VCF1: variants seen among roughly 807,000 people sequenced by gnomAD.
VCF1 encodes the protein VCP nuclear cofactor family member 1.
At chr17:73,209,490 G>A in the VCF1 span, 4 of 1,556,194 alleles carry the variant, frequency 2.6e-6, no homozygotes, top group East Asian at 9.6e-5. Context: ...AATCTGCACA[G>A]CGCTGTCCCT....
the VCF1 span, chr17:73,212,659 C>T: frequency 3.2e-6 from 5 of 1,583,014 alleles, no homozygotes; most frequent in Non-Finnish European, 4.3e-6. Flanking sequence ...CAGGTCACTA[C>T]ACTCAATTAG....
At chr17:73,207,756 C>T in the VCF1 span, 1 of 1,291,302 alleles carries the variant, frequency 7.7e-7, no homozygotes, top group South Asian at 1.2e-5. Context: ...CTGAATTGTG[C>T]TGTGTGCATG....
At chr17:73,212,733 G>A in the VCF1 span, 3 of 1,585,836 alleles carry the variant, frequency 1.9e-6, no homozygotes, top group African/African-American at 2.7e-5. Context: ...TCTCATTACA[G>A]GTACTGTCTG....
At chr17:73,229,867 C>CAAAAA in the VCF1 span, among the ~76,000 whole-genome samples, 37 of 22,620 alleles carry the variant, frequency 1.6e-3, 5 homozygotes, top group African/African-American at 4.5e-3. Context: ...GACTCCATCT[C>CAAAAA]AAAAAAAAAA....
the VCF1 span, among the ~76,000 whole-genome samples, chr17:73,224,934 G>GGA: frequency 7.8e-3 from 1,148 of 146,722 alleles, 22 homozygotes; most frequent in African/African-American, 0.024. Flanking sequence ...GGACAGGACA[G>GGA]CACAGCACAG....
chr17:73,232,277 A>C, the VCF1 span: 1 of 1,601,268 alleles, frequency 6.2e-7, no homozygotes, highest in African/African-American at 1.3e-5. Context: ...TACCACCACT[A>C]CTTCCGGCGT....
At chr17:73,211,545 C>T in the VCF1 span, among the ~76,000 whole-genome samples, 12 of 127,762 alleles carry the variant, frequency 9.4e-5, no homozygotes, top group East Asian at 3.0e-3. Flanking sequence ...CCAGCCTGGG[C>T]AACAAGAGCA....
chr17:73,215,516 C>T, the VCF1 span, among the ~76,000 whole-genome samples: 1 of 152,182 alleles, frequency 6.6e-6, no homozygotes, highest in Non-Finnish European at 1.5e-5. Context: ...TCAAGATATC[C>T]TCCTGCCTCA....
chr17:73,214,749 A>G, the VCF1 span, among the ~76,000 whole-genome samples: 1 of 152,224 alleles, frequency 6.6e-6, no homozygotes, highest in Non-Finnish European at 1.5e-5. Context: ...GGAAACTGCT[A>G]TCTTAGTAGA....
the VCF1 span, among the ~76,000 whole-genome samples, chr17:73,218,730 C>CA: frequency 1.3e-5 from 2 of 151,756 alleles, no homozygotes; most frequent in African/African-American, 2.4e-5. Flanking sequence ...ACTAAAAATA[C>CA]AAAAAATGGC....
At chr17:73,225,877 TA>T in the VCF1 span, among the ~76,000 whole-genome samples, 275 of 98,898 alleles carry the variant, frequency 2.8e-3, 2 homozygotes, top group African/African-American at 0.01. Context: ...AATATATATA[TA>T]TATAATATAT....
chr17:73,210,055 T>C, the VCF1 span, among the ~76,000 whole-genome samples: 1 of 152,184 alleles, frequency 6.6e-6, no homozygotes, highest in Non-Finnish European at 1.5e-5. Flanking sequence ...CCAAATCCTT[T>C]CAACTATATC....
At chr17:73,225,899 A>ATATTT in the VCF1 span, among the ~76,000 whole-genome samples, 9 of 114,844 alleles carry the variant, frequency 7.8e-5, no homozygotes, top group South Asian at 1.4e-3. Context: ...ATATATATAT[A>ATATTT]TTTTTTTTTT....
chr17:73,226,919 C>G, the VCF1 span, among the ~76,000 whole-genome samples: 1 of 152,260 alleles, frequency 6.6e-6, no homozygotes, highest in Middle Eastern at 3.4e-3. Flanking sequence ...CAAAAAGCCA[C>G]GAAATTTCTA....
At chr17:73,231,055 A>G in the VCF1 span, among the ~76,000 whole-genome samples, 1 of 152,122 alleles carries the variant, frequency 6.6e-6, no homozygotes, top group African/African-American at 2.4e-5. Context: ...TTGGGCCCCC[A>G]ATTTCAAATT....
the VCF1 span, among the ~76,000 whole-genome samples, chr17:73,222,535 T>A: frequency 1.3e-5 from 2 of 152,108 alleles, no homozygotes; most frequent in Non-Finnish European, 2.9e-5. Context: ...CCCAGCACTT[T>A]GGAAGGCCAA....
chr17:73,228,005 G>A, the VCF1 span, among the ~76,000 whole-genome samples: 3 of 152,282 alleles, frequency 2.0e-5, no homozygotes, highest in South Asian at 2.1e-4. Context: ...CAAATTGCCC[G>A]GAACTGTACT....
chr17:73,224,160 T>G, the VCF1 span, among the ~76,000 whole-genome samples: 2 of 136,600 alleles, frequency 1.5e-5, no homozygotes, highest in African/African-American at 5.5e-5. Context: ...GCATGGTGGC[T>G]CAAGTCTGTA....
chr17:73,229,292 C>T, the VCF1 span: 2 of 985,324 alleles, frequency 2.0e-6, no homozygotes, highest in African/African-American at 3.5e-5. Flanking sequence ...TTGAAACATT[C>T]TTCTTTCAAC....
Sources: allele counts gnomAD v4.1 joint callset (sites outside exome capture counted in the v4.1 genomes callset), GRCh38; gene constraint gnomAD v4.1.1; transcripts MANE v1.5; gene names NCBI Gene and HGNC (gene_info 2026-07-23, HGNC 2026-07-21).